Variants in ZNF124 observed in about 807,000 individuals in gnomAD.
The protein encoded by ZNF124 is zinc finger protein HZF-16.
A neutral mutation model predicts 26.6 loss-of-function variants in ZNF124; 25 were observed. The ratio of observed to expected loss-of-function variants is 0.94; its 90% CI spans 0.68 to 1.31. The LOEUF is 1.31. Among genes scored for constraint, ZNF124 ranks in the 40% most tolerant of loss-of-function variants. ZNF124 has a pLI of 0.00. For missense variants in ZNF124, 444 were observed against 422.2 expected (o/e 1.05, Z -0.45); for synonymous variants, 129 against 133.3 (o/e 0.97, Z 0.22).
In ZNF124 at chr1:247,156,575, T is replaced by C; in HGVS notation, c.1047A>G (p.Lys349=). ...THTGEKPYKC[K]KM Reference sequence around the variant, plus strand: ...GTAGTGATTAAAGCCTTTACATTTTTTTACATTTATAGGGCTTTTCTCCAG... The same window carrying C: ...GTAGTGATTAAAGCCTTTACATTTTCTTACATTTATAGGGCTTTTCTCCAG... Residue 349 remains lysine (K), a synonymous_variant, in exon 4 of 4, where the codon AAA becomes AAG. Coordinates refer to ENST00000543802, the MANE Select transcript of ZNF124 (RefSeq NM_001297568.2). 1.0e-5 allele frequency: 16 copies of C among 1,531,770 alleles called. No individual in the cohort carries two copies. Among genetic ancestry groups the C allele is most frequent in the Non-Finnish European group, 1.4e-5 (16 of 1,145,966 alleles). The allele number at this position is 1,531,770 out of a possible 1,614,324, so 94.9% of individuals were successfully genotyped here.
intron 3 of ZNF124, among the ~76,000 whole-genome samples, chr1:247,125,582 C>A (rs935043088): frequency 1.3e-5 from 2 of 151,884 alleles, no homozygotes; most frequent in Non-Finnish European, 2.9e-5. Flanking sequence ...CAGGCGTCTG[C>A]CATCACACCC....
intron 3 of ZNF124, among the ~76,000 whole-genome samples, chr1:247,158,035 AG>A (rs766535022): frequency 2.0e-4 from 30 of 151,960 alleles, no homozygotes; most frequent in Non-Finnish European, 2.8e-4. Context: ...AGATCACTTG[AG>A]GTCAGGAATT....
chr1:247,137,547 C>T (rs1324217677), intron 3 of ZNF124, among the ~76,000 whole-genome samples: 1 of 148,390 alleles, frequency 6.7e-6, no homozygotes. Flanking sequence ...AGGACATAGG[C>T]GTGGGCAACT....
At chr1:247,172,199 T>C (rs1280254229), upstream of ZNF124, 2 of 143,654 alleles carry the variant, frequency 1.4e-5, no homozygotes, top group Admixed American at 7.0e-5. Flanking sequence ...TCCAAGAGGG[T>C]TTCCTCTCTG....
downstream of ZNF124, among the ~76,000 whole-genome samples, chr1:247,151,913 G>C (rs1203416935): frequency 3.9e-5 from 6 of 151,962 alleles, no homozygotes; most frequent in Non-Finnish European, 8.8e-5. Context: ...CCTGCTGCAT[G>C]ATGTTTATAT....
chr1:247,153,029 A>G (rs1427956058), downstream of ZNF124, among the ~76,000 whole-genome samples: 5 of 151,828 alleles, frequency 3.3e-5, no homozygotes, highest in African/African-American at 9.7e-5. Flanking sequence ...GCTACTCGGG[A>G]GGCTGAGGCA....
intron 3 of ZNF124, among the ~76,000 whole-genome samples, chr1:247,137,457 C>T (rs1200774630): frequency 3.8e-5 from 4 of 104,012 alleles, no homozygotes; most frequent in Middle Eastern, 5.3e-3. Flanking sequence ...GCCTGGCCAA[C>T]ATAGCGAAAC....
At chr1:247,159,244 T>C (rs1673339288) in intron 2 of ZNF124, among the ~76,000 whole-genome samples, 178 bp from the exon 3 acceptor site, 1 of 152,242 alleles carries the variant, frequency 6.6e-6, no homozygotes, top group African/African-American at 2.4e-5. Context: ...AATAGATTAA[T>C]GTCCTTGCTT....
chr1:247,141,476 A>G (rs1408069591), intron 3 of ZNF124, among the ~76,000 whole-genome samples: 3 of 151,956 alleles, frequency 2.0e-5, no homozygotes, highest in African/African-American at 4.8e-5. Context: ...AGAAAAGACT[A>G]GTCTCTCGGT....
intron 3 of ZNF124, among the ~76,000 whole-genome samples, chr1:247,130,805 C>T (rs1181192421): frequency 5.9e-5 from 9 of 152,144 alleles, no homozygotes; most frequent in African/African-American, 9.7e-5. Flanking sequence ...GGGCCAAGCG[C>T]GGTGGCTCAC....
intron 1 of ZNF124, among the ~76,000 whole-genome samples, chr1:247,169,113 A>G (rs1673947896): frequency 6.6e-6 from 1 of 152,136 alleles, no homozygotes; most frequent in Non-Finnish European, 1.5e-5. Context: ...TTTATCTTTA[A>G]AGCTCTATTG....
intron 3 of ZNF124, among the ~76,000 whole-genome samples, chr1:247,131,991 G>A (rs1390323541): frequency 6.6e-6 from 1 of 152,186 alleles, no homozygotes; most frequent in Non-Finnish European, 1.5e-5. Context: ...TCCAACAGGG[G>A]TTGTCAGACA....
chr1:247,162,217 T>C (rs556126137), intron 1 of ZNF124, among the ~76,000 whole-genome samples: 1 of 152,290 alleles, frequency 6.6e-6, no homozygotes, highest in African/African-American at 2.4e-5. Flanking sequence ...GTCTGCATAA[T>C]AACTAGCTAA....
chr1:247,167,451 G>A (rs1029770150), intron 1 of ZNF124, among the ~76,000 whole-genome samples: 1 of 152,178 alleles, frequency 6.6e-6, no homozygotes, highest in East Asian at 1.9e-4. Context: ...CCACACTTTT[G>A]TGTGTGGAAA....
intron 1 of ZNF124, among the ~76,000 whole-genome samples, chr1:247,170,702 G>C (rs1411758443): frequency 7.0e-6 from 1 of 143,316 alleles, no homozygotes; most frequent in Admixed American, 6.8e-5. Context: ...GTCCACGTGA[G>C]AGGGTCGTGA....
chr1:247,156,864 A>C lies in ZNF124; in HGVS notation c.758T>G (p.Ile253Arg). 2 of 1,613,358 alleles carry C rather than the reference A, an allele frequency of 1.2e-6. No homozygotes were observed. The highest frequency in any genetic ancestry group is 1.7e-6 in the Non-Finnish European group (2 of 1,179,838). The part of the protein sequence containing the change: ...FSCLSSLQGH[I>R]KAHAGEEPYP... Reference sequence around the variant, plus strand: ...GGGTTCTTCACCAGCATGAGCCTTTATATGTCCTTGCAAGGAACTGAGACA... The same window carrying C: ...GGGTTCTTCACCAGCATGAGCCTTTCTATGTCCTTGCAAGGAACTGAGACA... The change falls in exon 4 of 4, where the codon ATA becomes AGA. Residue 253 changes from isoleucine (I) to arginine (R), a missense_variant. By Grantham distance (97) the Ile-to-Arg change is moderately conservative (BLOSUM62 -3). Transcript: ENST00000543802.
Position 247,156,924 on chromosome 1 carries a change from G to A in ZNF124, c.698C>T (p.Pro233Leu). 1.2e-6 allele frequency: 2 copies of A among 1,613,776 alleles called. No homozygotes were observed. The highest frequency in any genetic ancestry group is 1.7e-6 in the Non-Finnish European group (2 of 1,179,806). The change falls in exon 4 of 4, where the codon CCT becomes CTT. Residue 233 changes from proline (P) to leucine (L), a missense_variant. Coordinates refer to ENST00000543802, the MANE Select transcript of ZNF124 (RefSeq NM_001297568.2). ...TTTGCCACATTCCATGCACACATAA[G>A]GTTTCTCTCCAGTGTGAGTTCTTTC... ...YHERTHTGEK[P>L]YVCMECGKAF... is the part of the protein sequence containing the mutation.
intron 3 of ZNF124, among the ~76,000 whole-genome samples, chr1:247,130,512 C>T (rs1210198841): frequency 2.0e-5 from 3 of 152,334 alleles, no homozygotes; most frequent in South Asian, 4.1e-4. Context: ...ACTCTGTTTC[C>T]TGTTACCTGG....
chr1:247,128,876 CCCAGCAGGA>C (rs1286299885), intron 3 of ZNF124, among the ~76,000 whole-genome samples: 5 of 144,666 alleles, frequency 3.5e-5, no homozygotes, highest in Admixed American at 6.9e-5. Context: ...GAGTACTTCC[CCCAGCAGGA>C]TGGGGTGGGA....
Sources: gnomAD v4.1 joint callset for allele counts (sites outside exome capture counted in the v4.1 genomes callset) on GRCh38, gnomAD v4.1.1 for gene constraint, MANE v1.5 for transcripts, NCBI Gene and HGNC (gene_info 2026-07-23, HGNC 2026-07-21) for gene names.